Variants in SLC24A2 observed in about 807,000 individuals in gnomAD.
The protein encoded by SLC24A2 is sodium/potassium/calcium exchanger 2.
In SLC24A2, 36 loss-of-function variants were observed where a neutral mutation model predicts 62.0. The ratio of observed to expected loss-of-function variants is 0.58; its 90% confidence interval spans 0.44 to 0.77. SLC24A2 has a LOEUF of 0.77. SLC24A2 is among the 30% of genes least tolerant of loss of function. SLC24A2 has a pLI of 0.00. For synonymous variants in SLC24A2, 358 were observed against 294.0 expected (o/e 1.22, Z -2.23); for missense variants, 846 against 817.9 (o/e 1.03, Z -0.42).
chr9:20,186,642 G>A, the SLC24A2 span, among the ~76,000 whole-genome samples: 782 of 151,726 alleles, frequency 5.2e-3, 15 homozygotes, highest in African/African-American at 0.018. Context: ...ATCTCCAACC[G>A]CACCTCCTTG....
chr9:19,865,046 A>G, the SLC24A2 span, among the ~76,000 whole-genome samples: 1 of 152,120 alleles, frequency 6.6e-6, no homozygotes, highest in African/African-American at 2.4e-5. Context: ...CAACTGAACA[A>G]AGTGAAAAAG....
intron 2 of SLC24A2, among the ~76,000 whole-genome samples, chr9:19,690,912 T>A (rs1351898921): frequency 7.6e-6 from 1 of 132,040 alleles, no homozygotes; most frequent in Non-Finnish European, 1.7e-5. Context: ...ATTGTGTGTG[T>A]GCGTGTGAGA....
At chr9:19,676,504 T>G (rs1819564308) in intron 2 of SLC24A2, among the ~76,000 whole-genome samples, 1 of 152,220 alleles carries the variant, frequency 6.6e-6, no homozygotes, top group Non-Finnish European at 1.5e-5. Flanking sequence ...TGTGCCTTTG[T>G]TTCCTTGTTT....
chr9:20,063,880 G>C, the SLC24A2 span, among the ~76,000 whole-genome samples: 2 of 152,088 alleles, frequency 1.3e-5, no homozygotes, highest in African/African-American at 4.8e-5. Context: ...ATTACTTGTG[G>C]AAATGTAAAA....
At chr9:20,230,453 G>A in the SLC24A2 span, among the ~76,000 whole-genome samples, 1 of 152,176 alleles carries the variant, frequency 6.6e-6, no homozygotes, top group Non-Finnish European at 1.5e-5. Flanking sequence ...GTATCTCATT[G>A]TGGTTTTGAT....
At chr9:19,809,388 G>A in the SLC24A2 span, among the ~76,000 whole-genome samples, 1 of 152,126 alleles carries the variant, frequency 6.6e-6, no homozygotes, top group Non-Finnish European at 1.5e-5. Context: ...CAAAACTAAC[G>A]TACCTGGTGG....
chr9:19,593,930 A>G (rs1394979032), intron 5 of SLC24A2, among the ~76,000 whole-genome samples: 1 of 152,212 alleles, frequency 6.6e-6, no homozygotes, highest in Non-Finnish European at 1.5e-5. Context: ...TCATTATGAT[A>G]GATGATATAG....
At chr9:19,818,919 G>A in the SLC24A2 span, among the ~76,000 whole-genome samples, 1 of 152,092 alleles carries the variant, frequency 6.6e-6, no homozygotes, top group East Asian at 1.9e-4. Flanking sequence ...AACAAATCTG[G>A]AGGCATCACA....
the SLC24A2 span, among the ~76,000 whole-genome samples, chr9:19,918,474 G>C: frequency 6.6e-6 from 1 of 151,538 alleles, no homozygotes; most frequent in Non-Finnish European, 1.5e-5. Context: ...TTCCGTGCAG[G>C]TTCCCCCTCT....
chr9:19,618,019 A>G (rs1485820019), intron 4 of SLC24A2, among the ~76,000 whole-genome samples: 1 of 152,234 alleles, frequency 6.6e-6, no homozygotes, highest in Non-Finnish European at 1.5e-5. Flanking sequence ...TGGTGGTGCT[A>G]TATTTTGTGA....
At chr9:19,645,617 G>A (rs929798046) in intron 2 of SLC24A2, among the ~76,000 whole-genome samples, 1 of 152,122 alleles carries the variant, frequency 6.6e-6, no homozygotes, top group Admixed American at 6.5e-5. Context: ...GTGAGTTCCG[G>A]TGACAGTTCT....
the SLC24A2 span, among the ~76,000 whole-genome samples, chr9:20,038,249 A>C: frequency 6.6e-6 from 1 of 152,170 alleles, no homozygotes; most frequent in Non-Finnish European, 1.5e-5. Flanking sequence ...CTAAGCTTCA[A>C]TTTCTTTGTC....
intron 2 of SLC24A2, among the ~76,000 whole-genome samples, chr9:19,633,733 T>G (rs1818234920): frequency 6.6e-6 from 1 of 152,232 alleles, no homozygotes; most frequent in Admixed American, 6.5e-5. Flanking sequence ...TTGCCATTTG[T>G]GTATCTCTTC....
chr9:20,215,784 T>G, the SLC24A2 span, among the ~76,000 whole-genome samples: 1 of 152,208 alleles, frequency 6.6e-6, no homozygotes, highest in Non-Finnish European at 1.5e-5. Flanking sequence ...GAACCCATGA[T>G]GCAGGCTGGG....
the SLC24A2 span, among the ~76,000 whole-genome samples, chr9:20,011,804 C>T: frequency 3.9e-5 from 6 of 152,144 alleles, no homozygotes; most frequent in South Asian, 8.3e-4. Flanking sequence ...TCAAAAACAG[C>T]AAGAGACTTT....
chr9:19,603,376 T>C (rs1012146969), intron 4 of SLC24A2, among the ~76,000 whole-genome samples: 20 of 152,190 alleles, frequency 1.3e-4, no homozygotes, highest in African/African-American at 4.6e-4. Flanking sequence ...AAATATTCCA[T>C]TATCTTCCTC....
the SLC24A2 span, among the ~76,000 whole-genome samples, chr9:20,152,826 G>A: frequency 6.6e-6 from 1 of 151,792 alleles, no homozygotes; most frequent in African/African-American, 2.4e-5. Flanking sequence ...GTAAAATGGG[G>A]CCTTGCTTTT....
chr9:19,891,421 A>G, the SLC24A2 span, among the ~76,000 whole-genome samples: 1 of 152,230 alleles, frequency 6.6e-6, no homozygotes, highest in African/African-American at 2.4e-5. Context: ...GGTAATTTAT[A>G]AAGAAAGAGG....
the SLC24A2 span, among the ~76,000 whole-genome samples, chr9:19,950,040 A>G: frequency 1.3e-5 from 2 of 152,204 alleles, no homozygotes; most frequent in East Asian, 3.9e-4. Context: ...TCATATGCAC[A>G]TTGGAAGTTG....
Sources: allele counts gnomAD v4.1 joint callset (sites outside exome capture counted in the v4.1 genomes callset), GRCh38; gene constraint gnomAD v4.1.1; transcripts MANE v1.5; gene names NCBI Gene and HGNC (gene_info 2026-07-23, HGNC 2026-07-21).